AKNA: variants seen among roughly 807,000 people sequenced by gnomAD.
The protein encoded by AKNA is microtubule organization protein AKNA.
In AKNA, 67 loss-of-function variants were observed where a neutral mutation model predicts 138.8. The ratio of observed to expected loss-of-function variants is 0.48; its 90% CI spans 0.40 to 0.59. The LOEUF (loss-of-function observed/expected upper bound fraction) is 0.59, where lower values mean the gene tolerates loss of function less well. Among genes scored for constraint, AKNA ranks in the 20% least tolerant of loss-of-function variants. AKNA has a pLI of 0.00. For missense variants in AKNA, 1,813 were observed against 1,880.4 expected, an observed-to-expected ratio of 0.96 and a Z score of 0.66; for synonymous variants, 737 against 754.4, an observed-to-expected ratio of 0.98 and a Z score of 0.38.
chr9:114,377,472 G>A lies in AKNA; in HGVS notation c.335C>T (p.Pro112Leu). The A allele has an allele frequency of 6.2e-7, 1 of 1,613,338 alleles. No homozygotes were observed. Among genetic ancestry groups the A allele is most frequent in the Non-Finnish European group, 8.5e-7 (1 of 1,179,808 alleles). The change falls in exon 3 of 22, where the codon CCC (proline) becomes CTC (leucine). Residue 112 changes from proline to leucine, a missense_variant. Physicochemically the swap from Pro to Leu is moderately conservative, Grantham distance 98 (BLOSUM62 -3). Coordinates refer to ENST00000374088, the MANE Select transcript of AKNA (RefSeq NM_001317950.2). ...ASSHEPLAWL[P>L]QQGRQLDMTE... Reference sequence around the variant, plus strand: ...CATGTCCAGCTGACGGCCCTGCTGGGGGAGCCAGGCAAGAGGCTCATGGGA... The same window carrying A: ...CATGTCCAGCTGACGGCCCTGCTGGAGGAGCCAGGCAAGAGGCTCATGGGA...
chr9:114,373,162 G>A (rs1259461037), intron 4 of AKNA, among the ~76,000 whole-genome samples: 1 of 152,238 alleles, frequency 6.6e-6, no homozygotes, highest in Non-Finnish European at 1.5e-5. Flanking sequence ...CTCCTCTACT[G>A]CTGCCTGATG....
rs1477025567 is a variant in AKNA at position 114,359,740 on chromosome 9, T to A, written c.2346A>T (p.Glu782Asp). The A allele has an allele frequency of 5.0e-6, 8 of 1,604,968 alleles. No homozygotes were observed. The highest frequency in any genetic ancestry group is 6.8e-6 in the Non-Finnish European group (8 of 1,175,320). ...CCTCTTCCTCCTCCTCCTCCTCTCC[T>A]TCTTCCTCCTCCTCCATTCTCATGG... ...PEAMRMEEEE[E>D]GEEEEEEEGG... The change falls in exon 11 of 22, where the codon GAA (glutamate) becomes GAT (aspartate). Residue 782 changes from glutamate to aspartate, a missense_variant. Transcript: ENST00000374088.
At chr9:114,392,104 C>CAAAAAAAAAAAAAAA (rs61619495), upstream of AKNA, among the ~76,000 whole-genome samples, 2 of 86,610 alleles carry the variant, frequency 2.3e-5, 1 homozygote, top group African/African-American at 9.6e-5. Flanking sequence ...AGACGCTTGT[C>CAAAAAAAAAAAAAAA]AAAAAAAAAA....
intron 14 of AKNA, among the ~76,000 whole-genome samples, chr9:114,353,047 A>G (rs186718842): frequency 6.6e-6 from 1 of 152,350 alleles, no homozygotes; most frequent in African/African-American, 2.4e-5. Context: ...GGTTCAGATC[A>G]TACTGAGTTT....
intron 14 of AKNA, among the ~76,000 whole-genome samples, chr9:114,353,064 G>T (rs1335017336): frequency 6.6e-6 from 1 of 152,178 alleles, no homozygotes; most frequent in African/African-American, 2.4e-5. Context: ...GTTTCTTGGT[G>T]TCTGTTCACC....
chr9:114,368,316 C>A, intron 5 of AKNA, 123 bp downstream of exon 5: 1 of 1,121,918 alleles, frequency 8.9e-7, no homozygotes, highest in Non-Finnish European at 1.2e-6. Flanking sequence ...CAGGGTGGGG[C>A]CTTGCCTCCC....
At chr9:114,341,887 C>T (rs1830379992) in intron 20 of AKNA, 122 bp downstream of exon 20, 1 of 1,297,902 alleles carries the variant, frequency 7.7e-7, no homozygotes, top group Non-Finnish European at 1.1e-6. Context: ...AAATCCTCTG[C>T]CCCAGTTGCT....
rs1831641894 is a variant in AKNA, at chr9:114,358,125, G to A, written c.2535C>T (p.Phe845=). ...EKMVSMKPPG[F]QASLARDGHM... is the part of the protein sequence containing the mutation. Reference sequence around the variant, plus strand: ...GCCCGTCTCTAGCCAGGGATGCCTGGAAACCTGGTGGCTTCATAGATACCA... The same window carrying A: ...GCCCGTCTCTAGCCAGGGATGCCTGAAAACCTGGTGGCTTCATAGATACCA... The change falls in exon 12 of 22, where the codon TTC becomes TTT. Residue 845 remains phenylalanine, a synonymous_variant. Coordinates refer to ENST00000374088, the MANE Select transcript of AKNA (RefSeq NM_001317950.2). The A allele has an allele frequency of 6.2e-7, 1 of 1,614,250 alleles. No homozygotes were observed. Among genetic ancestry groups the A allele is most frequent in the Non-Finnish European group, 8.5e-7 (1 of 1,180,034 alleles).
Position 114,360,003 on chromosome 9 carries a change from C to T in AKNA, c.2184G>A (p.Glu728=). Residue 728 remains glutamate, a synonymous_variant, in exon 10 of 22, where the codon GAG becomes GAA. Coordinates refer to ENST00000374088, the MANE Select transcript of AKNA (RefSeq NM_001317950.2). ...CCACCTCACTGTTGCCAGAGCTCAC[C>T]TCCACATTTACGTGCAATGGGCAGG... ...TGPCPLHVNV[E]VSSGNSEVED... 6.2e-7 allele frequency: 1 copy of T among 1,614,252 alleles called. No homozygotes were observed. The highest frequency in any genetic ancestry group is 8.5e-7 in the Non-Finnish European group (1 of 1,180,050).
chr9:114,379,095 G>A (rs1431001978), intron 2 of AKNA, among the ~76,000 whole-genome samples: 1 of 152,238 alleles, frequency 6.6e-6, no homozygotes, highest in African/African-American at 2.4e-5. Context: ...CCTGGACCTA[G>A]GACCCAGGCC....
Position 114,387,489 on chromosome 9 carries a change from G to A in AKNA, c.-114+371C>T, listed in dbSNP as rs150335057. Among the ~76,000 whole-genome samples the A allele has an allele frequency of 6.6e-5, 10 of 152,326 alleles. No homozygotes were observed. In the South Asian group the frequency reaches 1.7e-3, roughly 25 times the overall value. ...ATAGGGACCACCCCCCGGCGCCGTC[G>A]CTGCCTCCTGGCCTGCTGCCCATGC... On this transcript the variant is annotated intron_variant, in intron 1 of 21. Coordinates refer to ENST00000374088, the MANE Select transcript of AKNA (RefSeq NM_001317950.2).
At chr9:114,332,824 G>T (rs2131732404), downstream of AKNA, among the ~76,000 whole-genome samples, 1 of 152,334 alleles carries the variant, frequency 6.6e-6, no homozygotes, top group African/African-American at 2.4e-5. Flanking sequence ...GGTACTATGT[G>T]CTCAGTAAAT....
At chr9:114,370,560 C>T (rs1589002806) in intron 4 of AKNA, among the ~76,000 whole-genome samples, 1 of 152,294 alleles carries the variant, frequency 6.6e-6, no homozygotes, top group Non-Finnish European at 1.5e-5. Flanking sequence ...GCAGCTGCAG[C>T]TGCTCCGGCC....
chr9:114,368,019 A>G (rs1222444776), intron 5 of AKNA, among the ~76,000 whole-genome samples: 1 of 152,236 alleles, frequency 6.6e-6, no homozygotes, highest in Middle Eastern at 3.2e-3. Context: ...CCATAGCTGT[A>G]TGAACTTCAG....
intron 4 of AKNA, 140 bp downstream of exon 4, chr9:114,373,953 G>T: frequency 1.3e-6 from 1 of 797,084 alleles, no homozygotes. Flanking sequence ...GAGGGACCTT[G>T]GGGTAGAAGA....
At position 114,356,899 on chromosome 9, in the gene AKNA, AG is replaced by A; in HGVS notation, c.2809del (p.Leu937SerfsTer18). 1 of 1,568,326 alleles carries A rather than the reference AG, an allele frequency of 6.4e-7. No homozygotes were observed. On this transcript the variant is annotated frameshift_variant, in exon 13 of 22. Transcript: ENST00000374088. LOFTEE classifies it high-confidence loss of function. Reference sequence around the variant, plus strand: ...GAGCCGGTGCTCTGGAGTCTGGGTGAGGGGTGAAACTCTGCTTGTTTCTGAG... The same window carrying A: ...GAGCCGGTGCTCTGGAGTCTGGGTGAGGGTGAAACTCTGCTTGTTTCTGAG... ...VGSETSRVSP[L>X]TQTPEHRLSH... is the part of the protein sequence containing the mutation.
intron 1 of AKNA, among the ~76,000 whole-genome samples, chr9:114,393,713 ATGT>A (rs1834437530): frequency 6.6e-6 from 1 of 152,006 alleles, no homozygotes; most frequent in African/African-American, 2.4e-5. Context: ...AAATTTTGTT[ATGT>A]TAAGTGGACA....
In AKNA at chr9:114,358,732, CA is replaced by C. The variant is rs1473293370; in HGVS notation, c.2493-566del. 2.0e-5 allele frequency among the ~76,000 whole-genome samples: 3 copies of C among 148,540 alleles called. No homozygotes were observed. In the East Asian group the frequency reaches 6.0e-4, roughly 29 times the overall value. ...AGCTCTCAGTAAACTATCACAAGGA[CA>C]AAAAACCAAACACCGCATGTTCTTA... On this transcript the variant is annotated intron_variant, in intron 11 of 21. Coordinates refer to ENST00000374088, the MANE Select transcript of AKNA (RefSeq NM_001317950.2).
At chr9:114,361,151 C>G (rs1831922829) in intron 9 of AKNA, among the ~76,000 whole-genome samples, 1 of 152,160 alleles carries the variant, frequency 6.6e-6, no homozygotes. Context: ...TCTACGTGAC[C>G]CACAAGCCCC....
Sources: gnomAD v4.1 joint callset for allele counts (sites outside exome capture counted in the v4.1 genomes callset) on GRCh38, gnomAD v4.1.1 for gene constraint, MANE v1.5 for transcripts, NCBI Gene and HGNC (gene_info 2026-07-23, HGNC 2026-07-21) for gene names.